The following SLC25A40 variants were observed in gnomAD, a reference collection of about 807,000 sequenced individuals.
SLC25A40 encodes solute carrier family 25 member 40, also known as mitochondrial glutathione transporter SLC25A40.
A neutral mutation model predicts 46.5 loss-of-function variants in SLC25A40; 41 were observed. That is an observed-to-expected ratio of 0.88 (90% confidence interval 0.69 to 1.14). The LOEUF is 1.14. Ranked by LOEUF, SLC25A40 falls within the 50% of genes most tolerant of loss-of-function variation. The pLI is 0.00. For synonymous variants in SLC25A40, 126 were observed against 127.5 expected, an observed-to-expected ratio of 0.99 and a Z score of 0.08; for missense variants, 386 against 393.6, an observed-to-expected ratio of 0.98 and a Z score of 0.16.
At chr7:87,862,665 C>A (rs1838725212) in intron 1 of SLC25A40, among the ~76,000 whole-genome samples, 1 of 152,104 alleles carries the variant, frequency 6.6e-6, no homozygotes, top group South Asian at 2.1e-4. Flanking sequence ...CTTGATTTAC[C>A]TTCTGTATTA....
At position 87,858,677 on chromosome 7, in the gene SLC25A40, T is replaced by A. The variant is rs141781975; in HGVS notation, c.51A>T (p.Gln17His). ...CTCCAGTACATGAGGCAAGCATTTG[T>A]TGAAGAGGTGTCACTTTGATAATCT... ...GQEIIKVTPL[Q>H]QMLASCTGAI... The change falls in exon 3 of 12, where the codon CAA becomes CAT. Residue 17 changes from glutamine (Q) to histidine (H), a missense_variant. Physicochemically the swap from Gln to His is conservative, Grantham distance 24. Coordinates refer to ENST00000341119, the MANE Select transcript of SLC25A40 (RefSeq NM_018843.4). 24 of 1,613,190 alleles carry A rather than the reference T, an allele frequency of 1.5e-5. No individual in the cohort carries two copies. The South Asian group carries it at 2.2e-4, about 15-fold the overall frequency.
At chr7:87,838,821 C>T (rs552729662) in intron 10 of SLC25A40, among the ~76,000 whole-genome samples, 4 of 151,592 alleles carry the variant, frequency 2.6e-5, no homozygotes, top group Non-Finnish European at 5.9e-5. Flanking sequence ...TATCACACTG[C>T]ACACTTACTT....
chr7:87,856,536 A>G, intron 3 of SLC25A40, 185 bp from the exon 4 acceptor site: 1 of 649,064 alleles, frequency 1.5e-6, no homozygotes. Context: ...TTTGTTAATC[A>G]GTGAAAGACA....
intron 5 of SLC25A40, 49 bp downstream of exon 5, chr7:87,854,155 A>C: frequency 1.6e-6 from 2 of 1,234,084 alleles, no homozygotes; most frequent in Non-Finnish European, 2.4e-6. Flanking sequence ...TTCACATATA[A>C]GATTAAATAG....
At chr7:87,857,906 A>G (rs1332521927) in intron 3 of SLC25A40, among the ~76,000 whole-genome samples, 2 of 152,236 alleles carry the variant, frequency 1.3e-5, no homozygotes, top group Non-Finnish European at 2.9e-5. Flanking sequence ...ATAAACGGAC[A>G]TGCAAGTAGG....
chr7:87,858,833 C>T, intron 2 of SLC25A40, 82 bp from the exon 3 acceptor site: 1 of 740,004 alleles, frequency 1.4e-6, no homozygotes, highest in Non-Finnish European at 2.3e-6. Flanking sequence ...GCTGGGTGAG[C>T]AGCATCACAT....
chr7:87,854,441 A>C, intron 4 of SLC25A40, 131 bp from the exon 5 acceptor site: 2 of 606,018 alleles, frequency 3.3e-6, no homozygotes, highest in Middle Eastern at 6.6e-4. Context: ...AAAAAGATAA[A>C]TAAACATCTC....
Position 87,874,700 on chromosome 7 carries a change from G to A in SLC25A40, c.-94+1396C>T, listed in dbSNP as rs1311399720. On this transcript the variant is annotated intron_variant, in intron 1 of 11. Transcript: ENST00000341119. The stretch of plus-strand genomic sequence containing the variant: ...GGCACTGTACTAAGCATTCAAAAAT[G>A]TTCATTTAATCTTCACAACATCCCT... Among the ~76,000 whole-genome samples the A allele has an allele frequency of 9.2e-5, 14 of 152,268 alleles. No individual in the cohort carries two copies. In the South Asian group the frequency reaches 2.7e-3, roughly 29 times the overall value.
At chr7:87,844,957 G>C (rs1311624615) in intron 8 of SLC25A40, among the ~76,000 whole-genome samples, 8 of 151,940 alleles carry the variant, frequency 5.3e-5, no homozygotes. Context: ...GTGACATCAA[G>C]ATTTTTCTTA....
At chr7:87,836,393 T>C in intron 11 of SLC25A40, 32 bp from the exon 12 acceptor site, 1 of 1,321,748 alleles carries the variant, frequency 7.6e-7, no homozygotes, top group Non-Finnish European at 1.0e-6. Context: ...TCAAAACAAA[T>C]ATTTTTTTCT....
chr7:87,847,428 T>C (rs1382417994), intron 7 of SLC25A40, among the ~76,000 whole-genome samples: 2 of 152,358 alleles, frequency 1.3e-5, no homozygotes, highest in East Asian at 3.9e-4. Context: ...TTCCAGTTAC[T>C]GCCCCAATAA....
At chr7:87,865,723 G>C (rs1838783906) in intron 1 of SLC25A40, among the ~76,000 whole-genome samples, 1 of 151,942 alleles carries the variant, frequency 6.6e-6, no homozygotes, top group African/African-American at 2.4e-5. Flanking sequence ...AGTGACCCAA[G>C]ATCACACCAC....
In SLC25A40 at chr7:87,841,731, T is replaced by C. The variant is rs755692748; in HGVS notation, c.742-17A>G. ...AGCAGCAAACTATCAGAAAGTAAAA[T>C]TGATTAATTTCAATCAACCTGTTAA... On this transcript the variant is annotated splice_polypyrimidine_tract_variant and intron_variant, in intron 9 of 11. Transcript: ENST00000341119. 2.0e-5 allele frequency: 28 copies of C among 1,433,128 alleles called. No homozygotes were observed. In the South Asian group the frequency reaches 3.9e-4, roughly 20 times the overall value. 88.8% of individuals were successfully genotyped at this position (1,433,128 alleles called of 1,614,324 possible).
At position 87,833,691 on chromosome 7, in the gene SLC25A40, T is replaced by G. The variant is rs552834381; in HGVS notation, c.*2558A>C. On this transcript the variant is annotated 3_prime_UTR_variant, in exon 12 of 12. Coordinates refer to ENST00000341119, the MANE Select transcript of SLC25A40 (RefSeq NM_018843.4). ...ACAAAAAGAGGGAAGAATTTAAGTT[T>G]AGGGGTACATATGCAGGTTTGTTAC... 1.3e-5 allele frequency: 2 copies of G among 152,024 alleles called. No individual in the cohort carries two copies. The highest frequency in any genetic ancestry group is 3.9e-4 in the East Asian group (2 of 5,168). The allele number at this position is 152,024 out of a possible 1,614,324, so 9.4% of individuals were successfully genotyped here.
chr7:87,841,998 AC>A, intron 9 of SLC25A40: 1 of 401,172 alleles, frequency 2.5e-6, no homozygotes, highest in South Asian at 2.0e-5. Flanking sequence ...TGACTCCACT[AC>A]CAGCATTCAC....
intron 1 of SLC25A40, among the ~76,000 whole-genome samples, chr7:87,864,964 T>G (rs1308433030): frequency 2.9e-5 from 4 of 136,130 alleles, no homozygotes; most frequent in African/African-American, 8.8e-5. Flanking sequence ...TTGATTTTTT[T>G]CTTTTCTTTT....
intron 1 of SLC25A40, among the ~76,000 whole-genome samples, chr7:87,870,078 C>G (rs1304526080): frequency 6.6e-6 from 1 of 151,736 alleles, no homozygotes; most frequent in Non-Finnish European, 1.5e-5. Context: ...ATTATATCTT[C>G]TTTGGAGAAA....
intron 11 of SLC25A40, 130 bp from the exon 12 acceptor site, chr7:87,836,491 T>C: frequency 1.6e-6 from 1 of 610,560 alleles, no homozygotes; most frequent in Non-Finnish European, 2.6e-6. Context: ...CATAAATTGG[T>C]AGAAAAGACT....
intron 8 of SLC25A40, among the ~76,000 whole-genome samples, chr7:87,845,977 C>T (rs1838411223): frequency 6.6e-6 from 1 of 152,084 alleles, no homozygotes; most frequent in Non-Finnish European, 1.5e-5. Context: ...TATGAATCAA[C>T]AAATCCAATA....
Sources: gnomAD v4.1 joint callset for allele counts (sites outside exome capture counted in the v4.1 genomes callset) on GRCh38, gnomAD v4.1.1 for gene constraint, MANE v1.5 for transcripts, NCBI Gene and HGNC (gene_info 2026-07-23, HGNC 2026-07-21) for gene names.